Variants in GRID2 observed in about 807,000 individuals in gnomAD.
GRID2 encodes the protein glutamate receptor ionotropic, delta-2.
Under a neutral mutation model 114.8 loss-of-function variants are expected in GRID2, and 33 were observed. The observed-to-expected ratio is 0.29, with a 90% CI of 0.22 to 0.38. GRID2 has a LOEUF of 0.38. Ranked by LOEUF, GRID2 falls within the 10% of genes least tolerant of loss-of-function variation. The pLI is 1.00. For synonymous variants in GRID2, 505 were observed against 449.9 expected (o/e 1.12, Z -1.55); for missense variants, 1,184 against 1,257.7 (o/e 0.94, Z 0.89).
chr4:92,682,965 G>T (rs567464229), intron 2 of GRID2, among the ~76,000 whole-genome samples: 6 of 152,090 alleles, frequency 3.9e-5, no homozygotes, highest in African/African-American at 1.2e-4. Flanking sequence ...TAACAAATTG[G>T]TTCTGTTACA....
intron 1 of GRID2, among the ~76,000 whole-genome samples, chr4:92,405,143 A>G (rs1182671945): frequency 6.6e-6 from 1 of 152,224 alleles, no homozygotes; most frequent in Non-Finnish European, 1.5e-5. Flanking sequence ...CTGGGTTTGA[A>G]GAATGGCGTT....
intron 6 of GRID2, among the ~76,000 whole-genome samples, chr4:93,220,908 A>T (rs1453722314): frequency 1.3e-5 from 2 of 152,198 alleles, no homozygotes; most frequent in African/African-American, 4.8e-5. Context: ...GCTAGAAGAG[A>T]AAGCTTATGT....
intron 2 of GRID2, among the ~76,000 whole-genome samples, chr4:92,592,221 C>T (rs936891516): frequency 3.9e-5 from 6 of 151,912 alleles, no homozygotes; most frequent in African/African-American, 9.7e-5. Flanking sequence ...GCAGGAAAAA[C>T]GTGAGGACTG....
At chr4:93,128,771 A>G (rs1734532897) in intron 4 of GRID2, among the ~76,000 whole-genome samples, 1 of 152,112 alleles carries the variant, frequency 6.6e-6, no homozygotes, top group East Asian at 1.9e-4. Flanking sequence ...CCTGGTTCAA[A>G]CTCCCATGGT....
intron 2 of GRID2, among the ~76,000 whole-genome samples, chr4:92,763,751 A>C (rs1405803171): frequency 1.3e-5 from 2 of 152,172 alleles, no homozygotes; most frequent in Non-Finnish European, 2.9e-5. Flanking sequence ...TTTGAGGTTA[A>C]TAGTATTTCA....
chr4:92,801,282 T>G lies in GRID2; in HGVS notation c.244+210996T>G, dbSNP rs549893383. On this transcript the variant is annotated intron_variant, in intron 2 of 15. Coordinates refer to ENST00000282020, the MANE Select transcript of GRID2 (RefSeq NM_001510.4). ...GTGGATAACTTCTGTGTAGTGTGTCTTGTCTTAAAAGTTTAACATATGTTC... is the reference window on the plus strand; with the variant it reads ...GTGGATAACTTCTGTGTAGTGTGTCGTGTCTTAAAAGTTTAACATATGTTC... 1.5e-3 allele frequency among the ~76,000 whole-genome samples: 226 copies of G among 152,126 alleles called. 1 individual carries two copies. The highest frequency in any genetic ancestry group is 5.1e-3 in the African/African-American group (211 of 41,562).
In GRID2 at chr4:92,855,258, A is replaced by G. The variant is rs539757947; in HGVS notation, c.245-229737A>G. ...TTGTCAATTAAGTTTCTACCTCTGT[A>G]TGTCACTTTAGAGATAAAGCAATTC... is the stretch of plus-strand genomic sequence containing the variant. On this transcript the variant is annotated intron_variant, in intron 2 of 15. Coordinates refer to ENST00000282020, the MANE Select transcript of GRID2 (RefSeq NM_001510.4). Among the ~76,000 whole-genome samples the G allele has an allele frequency of 2.2e-4, 33 of 152,192 alleles. 2 individuals are homozygous for G. The South Asian group carries it at 6.8e-3, about 32-fold the overall frequency.
chr4:92,892,215 C>T (rs896559988), intron 2 of GRID2, among the ~76,000 whole-genome samples: 1 of 152,144 alleles, frequency 6.6e-6, no homozygotes, highest in Admixed American at 6.5e-5. Context: ...AGGCACCTGC[C>T]ACCACACCCA....
intron 1 of GRID2, among the ~76,000 whole-genome samples, chr4:92,494,489 T>A (rs183512888): frequency 6.6e-6 from 1 of 152,128 alleles, no homozygotes; most frequent in Admixed American, 6.5e-5. Context: ...AGAAAAATAA[T>A]ATTGTTTTGA....
intron 1 of GRID2, among the ~76,000 whole-genome samples, chr4:92,561,998 T>A (rs1180984068): frequency 2.6e-5 from 4 of 152,204 alleles, no homozygotes; most frequent in African/African-American, 9.6e-5. Flanking sequence ...CTCTCTTTAA[T>A]AGGCAAACTC....
chr4:93,353,402 A>G (rs919146365), intron 8 of GRID2, among the ~76,000 whole-genome samples: 5 of 152,046 alleles, frequency 3.3e-5, no homozygotes, highest in African/African-American at 1.2e-4. Context: ...GAAAAATCAC[A>G]TTACAGAAAG....
At chr4:93,012,823 G>T (rs569029134) in intron 2 of GRID2, among the ~76,000 whole-genome samples, 2 of 152,118 alleles carry the variant, frequency 1.3e-5, no homozygotes, top group South Asian at 4.1e-4. Context: ...CTGCAGAAAT[G>T]AGAAATTTAT....
chr4:93,506,622 G>A (rs1394508297), intron 12 of GRID2, among the ~76,000 whole-genome samples: 2 of 152,152 alleles, frequency 1.3e-5, no homozygotes, highest in Non-Finnish European at 2.9e-5. Context: ...ACTAGAAAAG[G>A]CTGCATCATT....
intron 2 of GRID2, among the ~76,000 whole-genome samples, chr4:92,805,787 A>T (rs1414301004): frequency 6.6e-6 from 1 of 151,738 alleles, no homozygotes; most frequent in Non-Finnish European, 1.5e-5. Flanking sequence ...ATAAAGTGAA[A>T]CTCTCTCTTA....
chr4:92,449,710 T>TATAAAA (rs1266661271), intron 1 of GRID2, among the ~76,000 whole-genome samples: 46 of 131,716 alleles, frequency 3.5e-4, no homozygotes, highest in African/African-American at 1.3e-3. Flanking sequence ...TATATATATA[T>TATAAAA]AACACTTAAG....
chr4:93,552,043 C>A (rs1733806975), intron 13 of GRID2, among the ~76,000 whole-genome samples: 1 of 139,394 alleles, frequency 7.2e-6, no homozygotes. Flanking sequence ...CCCCACCCCA[C>A]AACAGGCCCC....
chr4:93,237,879 A>G, intron 7 of GRID2, among the ~76,000 whole-genome samples: 1 of 151,846 alleles, frequency 6.6e-6, no homozygotes, highest in East Asian at 1.9e-4. Flanking sequence ...GGGGCAAAAA[A>G]ATCACCCTCT....
chr4:93,697,353 G>T (rs1251399886), intron 14 of GRID2, among the ~76,000 whole-genome samples: 1 of 152,090 alleles, frequency 6.6e-6, no homozygotes, highest in African/African-American at 2.4e-5. Context: ...CAATTCTTGT[G>T]AACAAGTGAC....
At chr4:93,075,883 C>CTGTTTTTT (rs1490779668) in intron 2 of GRID2, among the ~76,000 whole-genome samples, 2 of 76,606 alleles carry the variant, frequency 2.6e-5, no homozygotes, top group African/African-American at 1.1e-4. Context: ...AGTTACCTCT[C>CTGTTTTTT]TTTTTTTTTT....
Sources: gnomAD v4.1 joint callset for allele counts (sites outside exome capture counted in the v4.1 genomes callset) on GRCh38, gnomAD v4.1.1 for gene constraint, MANE v1.5 for transcripts, NCBI Gene and HGNC (gene_info 2026-07-23, HGNC 2026-07-21) for gene names.